HIVEP1: variants seen among roughly 807,000 people sequenced by gnomAD.
The protein encoded by HIVEP1 is HIVEP zinc finger 1, also known as zinc finger protein 40.
Under a neutral mutation model 180.0 loss-of-function variants are expected in HIVEP1, and 36 were observed. The observed-to-expected ratio is 0.20, with a 90% confidence interval of 0.15 to 0.26. The LOEUF is 0.26. Among genes scored for constraint, HIVEP1 ranks in the 10% least tolerant of loss-of-function variants. The pLI is 1.00. For synonymous variants in HIVEP1, 1,239 were observed against 1,239.0 expected (o/e 1.00, Z 0.00); for missense variants, 3,143 against 3,268.7 (o/e 0.96, Z 0.94).
At chr6:12,069,538 C>G (rs1361026550) in intron 2 of HIVEP1, among the ~76,000 whole-genome samples, 2 of 127,396 alleles carry the variant, frequency 1.6e-5, no homozygotes, top group Non-Finnish European at 3.1e-5. Context: ...CATATGGACA[C>G]AGGAAGGGGA....
At position 12,115,350 on chromosome 6, in the gene HIVEP1, C is replaced by CTTTTTTTTTTT. The variant is rs34074662; in HGVS notation, c.95-4523_95-4513dup. Among the ~76,000 whole-genome samples the CTTTTTTTTTTT allele has an allele frequency of 1.8e-3, 136 of 75,284 alleles. 8 individuals are homozygous for CTTTTTTTTTTT. Among genetic ancestry groups the CTTTTTTTTTTT allele is most frequent in the African/African-American group, 6.2e-3 (115 of 18,512 alleles). 49.4% of individuals were successfully genotyped at this position (75,284 alleles called of 152,430 possible). On this transcript the variant is annotated intron_variant, in intron 3 of 8. Coordinates refer to ENST00000379388, the MANE Select transcript of HIVEP1 (RefSeq NM_002114.4). ...CTTAACTTATACTTCCCCAACTATT[C>CTTTTTTTTTTT]TTTTTTTTTTTTTTTTTTTTTTTTT...
At position 12,047,963 on chromosome 6, in the gene HIVEP1, C is replaced by T. The variant is rs900419671; in HGVS notation, c.40+32295C>T. On this transcript the variant is annotated intron_variant, in intron 2 of 8. Coordinates refer to ENST00000379388, the MANE Select transcript of HIVEP1 (RefSeq NM_002114.4). ...TCACATCTGAGTACTGAGCAGTTTG[C>T]GTGGTTCTGGCACGTGCCTAGAGGC... 3.9e-5 allele frequency among the ~76,000 whole-genome samples: 6 copies of T among 152,164 alleles called. No homozygotes were observed. In the East Asian group the frequency reaches 7.7e-4, roughly 20 times the overall value.
the HIVEP1 span, among the ~76,000 whole-genome samples, chr6:12,172,210 C>T: frequency 6.6e-6 from 1 of 152,156 alleles, no homozygotes; most frequent in African/African-American, 2.4e-5. Flanking sequence ...TGCTTTTGTT[C>T]TCTGAGAAGC....
chr6:12,122,541 G>A lies in HIVEP1; in HGVS notation c.2746G>A (p.Gly916Arg), dbSNP rs574039329. The part of the protein sequence containing the change: ...SANESHVLGT[G>R]QSLDESHQGC... ...AAATGAAAGTCATGTTCTTGGTACT[G>A]GACAGTCCCTGGATGAGAGCCACCA... The change falls in exon 4 of 9, where the codon GGA becomes AGA. Residue 916 changes from glycine to arginine, a missense_variant. Transcript: ENST00000379388. 3.1e-6 allele frequency: 5 copies of A among 1,614,156 alleles called. No homozygotes were observed. Among genetic ancestry groups the A allele is most frequent in the South Asian group, 2.2e-5 (2 of 91,078 alleles).
chr6:12,163,396 A>T lies in HIVEP1; in HGVS notation c.7092A>T (p.Gln2364His). The change falls in exon 9 of 9, where the codon CAA (glutamine) becomes CAT (histidine). Residue 2364 changes from glutamine (Q) to histidine (H), a missense_variant. By Grantham distance (24) the Gln-to-His change is conservative. Transcript: ENST00000379388. Reference sequence around the variant, plus strand: ...CTGACCCTCAAGAACAGAAGCAGCAAATAACTCTACAGCCGACTCCAGGCT... The same window carrying T: ...CTGACCCTCAAGAACAGAAGCAGCATATAACTCTACAGCCGACTCCAGGCT... ...PHPDPQEQKQ[Q>H]ITLQPTPGLP... The T allele has an allele frequency of 5.0e-6, 8 of 1,614,142 alleles. No individual in the cohort carries two copies. Among genetic ancestry groups the T allele is most frequent in the Non-Finnish European group, 6.8e-6 (8 of 1,180,022 alleles).
chr6:12,147,128 AAGGCTGGGAAGC>A (rs1759422164), intron 7 of HIVEP1, among the ~76,000 whole-genome samples: 1 of 152,156 alleles, frequency 6.6e-6, no homozygotes, highest in African/African-American at 2.4e-5. Context: ...CACAGGGCCC[AAGGCTGGGAAGC>A]AGGCTGGGGG....
downstream of HIVEP1, among the ~76,000 whole-genome samples, chr6:12,168,327 T>TATATAATATACA (rs1562024998): frequency 2.5e-4 from 8 of 31,590 alleles, no homozygotes; most frequent in Admixed American, 1.3e-3. Context: ...TACATATATA[T>TATATAATATACA]TATATAATTA....
chr6:12,020,325 A>G (rs1423860505), intron 2 of HIVEP1: 3 of 471,008 alleles, frequency 6.4e-6, no homozygotes, highest in African/African-American at 4.0e-5. Context: ...TGAGAGCAGC[A>G]CTTGGTGTTC....
intron 4 of HIVEP1, among the ~76,000 whole-genome samples, chr6:12,126,353 C>T (rs1487067202): frequency 1.3e-5 from 2 of 152,202 alleles, no homozygotes. Flanking sequence ...GCTACACGCC[C>T]CTGTCATGCT....
In HIVEP1 at chr6:12,020,618, C is replaced by T. The variant is rs554668162; in HGVS notation, c.40+4950C>T. Among the ~76,000 whole-genome samples, 69 of 152,118 alleles carry T rather than the reference C, an allele frequency of 4.5e-4. 1 individual carries two copies. The highest frequency in any genetic ancestry group is 1.6e-3 in the African/African-American group (65 of 41,476). On this transcript the variant is annotated intron_variant, in intron 2 of 8. Transcript: ENST00000379388. Reference sequence around the variant, plus strand: ...AGGGCTCTATTCGTGTTTTGCCACTCATTCTTGTGAATGTGTTTCAAAGCT... The same window carrying T: ...AGGGCTCTATTCGTGTTTTGCCACTTATTCTTGTGAATGTGTTTCAAAGCT...
downstream of HIVEP1, among the ~76,000 whole-genome samples, chr6:12,169,072 A>T (rs1372798566): frequency 6.6e-6 from 1 of 152,132 alleles, no homozygotes; most frequent in Non-Finnish European, 1.5e-5. Flanking sequence ...TTTTTAGTAG[A>T]GATGGGGTTT....
intron 7 of HIVEP1, among the ~76,000 whole-genome samples, chr6:12,137,100 T>C (rs1423392458): frequency 6.6e-6 from 1 of 152,214 alleles, no homozygotes; most frequent in African/African-American, 2.4e-5. Flanking sequence ...CTTATAAATA[T>C]ACAAGAGAAA....
At chr6:12,026,684 C>T (rs1186706339) in intron 2 of HIVEP1, among the ~76,000 whole-genome samples, 2 of 152,158 alleles carry the variant, frequency 1.3e-5, no homozygotes, top group Admixed American at 6.5e-5. Flanking sequence ...TAGGCAGTAT[C>T]TTTTATGTTA....
rs754059978 is a variant in HIVEP1 at position 12,124,029 on chromosome 6, C to G, written c.4234C>G (p.Arg1412Gly). ...ATTGCAGCCTCCATCTTCACCTTCT[C>G]GAGTGGGAGTGACTGGGCATGTGCC... ...TELQPPSSPS[R>G]VGVTGHVPLL... Residue 1412 changes from arginine to glycine, a missense_variant, in exon 4 of 9, where the codon CGA (arginine) becomes GGA (glycine). Transcript: ENST00000379388. 1.2e-6 allele frequency: 2 copies of G among 1,614,112 alleles called. No individual in the cohort carries two copies. The highest frequency in any genetic ancestry group is 8.5e-7 in the Non-Finnish European group (1 of 1,180,006).
intron 7 of HIVEP1, among the ~76,000 whole-genome samples, chr6:12,142,627 T>A (rs1759116806): frequency 6.6e-6 from 1 of 152,020 alleles, no homozygotes; most frequent in African/African-American, 2.4e-5. Context: ...ACAAAATTGA[T>A]AGACTGCTAG....
Position 12,122,710 on chromosome 6 carries a change from A to G in HIVEP1, c.2915A>G (p.Glu972Gly), listed in dbSNP as rs1757757680. 6.2e-7 allele frequency: 1 copy of G among 1,613,872 alleles called. No homozygotes were observed. The highest frequency in any genetic ancestry group is 1.7e-5 in the Admixed American group (1 of 59,964). The change falls in exon 4 of 9, where the codon GAA becomes GGA. Residue 972 changes from glutamate (E) to glycine (G), a missense_variant. This residue lies in a region of HIVEP1 where 204 missense variants were observed against 243.7 expected (regional missense o/e 0.84). Transcript: ENST00000379388. ...ETCRNRYRKL[E>G]NFENHKKFYC... Reference sequence around the variant, plus strand: ...TGTAGAAACAGGTATAGGAAACTGGAAAATTTTGAAAATCATAAGAAATTT... The same window carrying G: ...TGTAGAAACAGGTATAGGAAACTGGGAAATTTTGAAAATCATAAGAAATTT...
chr6:12,042,949 GT>G (rs1769873642), intron 2 of HIVEP1, among the ~76,000 whole-genome samples: 4 of 152,124 alleles, frequency 2.6e-5, no homozygotes, highest in Admixed American at 2.6e-4. Flanking sequence ...ATGTCATGAG[GT>G]TATGGAGTCC....
In HIVEP1 at chr6:12,120,280, A is replaced by G. The variant is rs1158509372; in HGVS notation, c.485A>G (p.Gln162Arg). The G allele has an allele frequency of 6.2e-7, 1 of 1,614,176 alleles. No individual in the cohort carries two copies. The highest frequency in any genetic ancestry group is 1.7e-5 in the Admixed American group (1 of 60,034). Residue 162 changes from glutamine (Q) to arginine (R), a missense_variant, in exon 4 of 9, where the codon CAA (glutamine) becomes CGA (arginine). This residue lies in a region of HIVEP1 where 306 missense variants were observed against 310.6 expected (regional missense o/e 0.99). Transcript: ENST00000379388. ...GCCAAATTCAGTGACCTCGATGAAC[A>G]ATGTGACTCAAGTTCCTTGTCAAGT... is the stretch of plus-strand genomic sequence containing the variant. ...DPAKFSDLDE[Q>R]CDSSSLSSKT...
chr6:12,200,205 T>C, the HIVEP1 span, among the ~76,000 whole-genome samples: 1 of 152,128 alleles, frequency 6.6e-6, no homozygotes, highest in African/African-American at 2.4e-5. Context: ...CCATGTCAAT[T>C]TACTATTGCC....
Sources: allele counts gnomAD v4.1 joint callset (sites outside exome capture counted in the v4.1 genomes callset), GRCh38; gene constraint gnomAD v4.1.1; regional missense constraint gnomAD v4.1.1; transcripts MANE v1.5; gene names NCBI Gene and HGNC (gene_info 2026-07-23, HGNC 2026-07-21).